The following ART3 variants were observed in gnomAD, a reference collection of about 807,000 sequenced individuals.
ART3 encodes the protein ecto-ADP-ribosyltransferase 3.
Under a neutral mutation model 48.5 loss-of-function variants are expected in ART3, and 49 were observed. That is an observed-to-expected ratio of 1.01 (90% CI 0.80 to 1.28). The LOEUF is 1.28. Among genes scored for constraint, ART3 ranks in the 50% most tolerant of loss-of-function variants. ART3 has a pLI of 0.00. For missense variants in ART3, 438 were observed against 454.3 expected (o/e 0.96, Z 0.33); for synonymous variants, 145 against 157.2 (o/e 0.92, Z 0.58).
intron 3 of ART3, among the ~76,000 whole-genome samples, chr4:76,092,002 T>A (rs767557902): frequency 6.6e-6 from 1 of 152,176 alleles, no homozygotes; most frequent in Non-Finnish European, 1.5e-5. Context: ...TATTCCAGTA[T>A]CATATATTGA....
chr4:76,108,912 A>T (rs1168260145), intron 11 of ART3, among the ~76,000 whole-genome samples: 5 of 152,172 alleles, frequency 3.3e-5, no homozygotes, highest in Non-Finnish European at 7.3e-5. Flanking sequence ...AATATAAAAG[A>T]TAAAAAATGG....
chr4:76,095,005 A>G (rs546109212), intron 3 of ART3, among the ~76,000 whole-genome samples: 2 of 152,282 alleles, frequency 1.3e-5, no homozygotes, highest in East Asian at 3.9e-4. Flanking sequence ...ACATCTGCTG[A>G]ATCTGTTGTT....
chr4:76,100,415 G>C, intron 6 of ART3, 95 bp downstream of exon 6: 2 of 1,239,154 alleles, frequency 1.6e-6, no homozygotes, highest in Non-Finnish European at 2.3e-6. Flanking sequence ...GGAGGATCAT[G>C]AGGTCAGGAG....
At chr4:76,063,382 T>C (rs1006164151) in intron 1 of ART3, among the ~76,000 whole-genome samples, 3 of 152,212 alleles carry the variant, frequency 2.0e-5, no homozygotes, top group African/African-American at 7.2e-5. Context: ...AAAGCATTGC[T>C]GACCAAATCT....
At chr4:76,100,035 G>A (rs975482182) in intron 5 of ART3, among the ~76,000 whole-genome samples, 1 of 152,018 alleles carries the variant, frequency 6.6e-6, no homozygotes, top group Non-Finnish European at 1.5e-5. Flanking sequence ...ACATTTTCTC[G>A]GCTCCTTGAG....
intron 1 of ART3, among the ~76,000 whole-genome samples, chr4:76,030,149 C>T (rs1330097928): frequency 1.3e-5 from 2 of 152,276 alleles, no homozygotes; most frequent in East Asian, 1.9e-4. Context: ...CTCCACCTCC[C>T]GGGTTCAAGC....
intron 3 of ART3, among the ~76,000 whole-genome samples, chr4:76,086,864 TA>T (rs1463254448): frequency 2.6e-5 from 4 of 152,172 alleles, no homozygotes; most frequent in Non-Finnish European, 5.9e-5. Flanking sequence ...CTGCTCCCCC[TA>T]TGTGACAGTA....
chr4:76,038,320 A>G (rs1274385312), intron 1 of ART3, among the ~76,000 whole-genome samples: 1 of 152,220 alleles, frequency 6.6e-6, no homozygotes, highest in Non-Finnish European at 1.5e-5. Context: ...AAACTTTTTT[A>G]TAGGTATATA....
chr4:76,100,174 C>T lies in ART3; in HGVS notation c.848-117C>T, dbSNP rs986752573. Reference sequence around the variant, plus strand: ...AAGTTTAGTAGGGTAGTTTCCTGGACGTATCAAATGGTTCTTTATAGTCAT... The same window carrying T: ...AAGTTTAGTAGGGTAGTTTCCTGGATGTATCAAATGGTTCTTTATAGTCAT... On this transcript the variant is annotated intron_variant, in intron 5 of 11. Coordinates refer to ENST00000355810, the MANE Select transcript of ART3 (RefSeq NM_001130016.3). The T allele has an allele frequency of 1.6e-5, 16 of 984,664 alleles. No individual in the cohort carries two copies. In the Middle Eastern group the frequency reaches 9.0e-4, roughly 55 times the overall value. The allele number at this position is 984,664 out of a possible 1,614,324, so 61.0% of individuals were successfully genotyped here.
chr4:76,063,119 T>C (rs1272970754), intron 1 of ART3, among the ~76,000 whole-genome samples: 1 of 152,170 alleles, frequency 6.6e-6, no homozygotes, highest in Non-Finnish European at 1.5e-5. Context: ...GCGTAATTAC[T>C]AATTTATTAT....
At chr4:76,073,323 G>C (rs1044140232), upstream of ART3, among the ~76,000 whole-genome samples, 1 of 152,146 alleles carries the variant, frequency 6.6e-6, no homozygotes, top group Non-Finnish European at 1.5e-5. Flanking sequence ...TTAAAAGCAG[G>C]TTGTTGTGAG....
intron 1 of ART3, among the ~76,000 whole-genome samples, chr4:76,031,805 C>T (rs1315479973): frequency 1.3e-5 from 2 of 152,122 alleles, no homozygotes; most frequent in Non-Finnish European, 2.9e-5. Context: ...TTCTTTTACA[C>T]TTATGAGAGA....
chr4:76,073,217 A>G (rs1720501205), upstream of ART3, among the ~76,000 whole-genome samples: 1 of 152,228 alleles, frequency 6.6e-6, no homozygotes, highest in African/African-American at 2.4e-5. Flanking sequence ...GAATGAATGA[A>G]AGAAATTTGG....
chr4:76,097,432 C>G (rs1409905831), intron 3 of ART3, among the ~76,000 whole-genome samples: 1 of 152,088 alleles, frequency 6.6e-6, no homozygotes. Context: ...GTCTTGAACT[C>G]CTGGGCTGAA....
At chr4:76,035,935 A>G (rs1159700795) in intron 1 of ART3, 4 of 1,613,078 alleles carry the variant, frequency 2.5e-6, no homozygotes, top group Non-Finnish European at 3.4e-6. Flanking sequence ...ACCTTGAACA[A>G]CTGTAGCACA....
intron 10 of ART3, chr4:76,107,238 A>G (rs1728654916): frequency 6.6e-6 from 1 of 152,204 alleles, no homozygotes; most frequent in South Asian, 2.1e-4. Context: ...ATAAGTCGAG[A>G]AGCATCTGTA....
chr4:76,020,758 G>A (rs567234737), intron 1 of ART3, among the ~76,000 whole-genome samples: 2 of 152,284 alleles, frequency 1.3e-5, no homozygotes, highest in Admixed American at 6.5e-5. Context: ...GGAGGCTGAG[G>A]TCAGAGGATT....
Position 76,032,581 on chromosome 4 carries a change from CT to C in ART3, c.-10+21281del, listed in dbSNP as rs10547155. ...AAGTAGTCAAAGATTAGATTCAAGT[CT>C]TTTTTTTTTTTTTTTTTTTGAGGTG... is the stretch of plus-strand genomic sequence containing the variant. On this transcript the variant is annotated intron_variant, in intron 1 of 9. Transcript: ENST00000341029. Among the ~76,000 whole-genome samples the C allele has an allele frequency of 2.8e-3, 321 of 114,580 alleles. 1 individual carries two copies. The highest frequency in any genetic ancestry group is 8.3e-3 in the African/African-American group (245 of 29,408). The allele number at this position is 114,580 out of a possible 152,430, so 75.2% of individuals were successfully genotyped here.
At chr4:76,078,149 T>C (rs1376281763) in intron 2 of ART3, among the ~76,000 whole-genome samples, 2 of 152,146 alleles carry the variant, frequency 1.3e-5, no homozygotes, top group African/African-American at 4.8e-5. Context: ...TACCTGTTTT[T>C]TAGTATCTGT....
Sources: gnomAD v4.1 joint callset for allele counts (sites outside exome capture counted in the v4.1 genomes callset) on GRCh38, gnomAD v4.1.1 for gene constraint, MANE v1.5 for transcripts, NCBI Gene and HGNC (gene_info 2026-07-23, HGNC 2026-07-21) for gene names.